Variants in MMAA observed in about 807,000 individuals in gnomAD.
MMAA encodes metabolism of cobalamin associated A.
MMAA carries 41 observed loss-of-function variants against 45.0 expected under a neutral mutation model. The ratio of observed to expected loss-of-function variants is 0.91; its 90% confidence interval spans 0.71 to 1.18. The LOEUF (loss-of-function observed/expected upper bound fraction) is 1.18. Ranked by LOEUF, MMAA falls within the 50% of genes most tolerant of loss-of-function variation. The pLI, the probability that MMAA is intolerant of heterozygous loss-of-function variation, is 0.00. For synonymous variants in MMAA, 154 were observed against 178.2 expected (o/e 0.86, Z 1.08); for missense variants, 460 against 495.7 (o/e 0.93, Z 0.68).
chr4:145,655,102 T>TC (rs1560802836), intron 6 of MMAA, 45 bp from the exon 7 acceptor site: 2 of 1,610,740 alleles, frequency 1.2e-6, no homozygotes, highest in Non-Finnish European at 1.7e-6. Context: ...AAAAATTTTT[T>TC]CTATCATTTT....
rs1728268257 is a variant in MMAA, at chr4:145,657,506, T to C, written c.*2072T>C. ...TGGGGGCAGATCTCAGCTCTATCAC[T>C]AACTAGCTATATGATATTTGGCAAG... On this transcript the variant is annotated 3_prime_UTR_variant, in exon 7 of 7. Coordinates refer to ENST00000649156, the MANE Select transcript of MMAA (RefSeq NM_172250.3). The C allele has an allele frequency of 6.6e-6, 1 of 152,210 alleles. No homozygotes were observed. The highest frequency in any genetic ancestry group is 2.1e-4 in the South Asian group (1 of 4,828). The allele number at this position is 152,210 out of a possible 1,614,324, so 9.4% of individuals were successfully genotyped here.
chr4:145,640,855 A>C (rs897225449), intron 2 of MMAA, among the ~76,000 whole-genome samples: 1 of 152,132 alleles, frequency 6.6e-6, no homozygotes, highest in African/African-American at 2.4e-5. Flanking sequence ...GTGGTGAACT[A>C]GGTGATTTGA....
rs1469959323 is a variant in MMAA at position 145,656,807 on chromosome 4, GTTAC to G, written c.*1379_*1382del. 3 of 152,134 alleles carry G rather than the reference GTTAC, an allele frequency of 2.0e-5. No homozygotes were observed. The highest frequency in any genetic ancestry group is 7.2e-5 in the African/African-American group (3 of 41,450). 9.4% of individuals were successfully genotyped at this position (152,134 alleles called of 1,614,324 possible). On this transcript the variant is annotated 3_prime_UTR_variant, in exon 7 of 7. Transcript: ENST00000649156. The stretch of plus-strand genomic sequence containing the variant: ...TTTATGTAGTATAGCAGCTTGCATT[GTTAC>G]TTACTGTACTGGAATCAAACCTCTT...
rs539451390 is a variant in MMAA, at chr4:145,641,198, C to T, written c.440-1165C>T. ...GTAAACAAAGATAATAGCAAACTCC[C>T]GCAGAGAAATTCTAGGTATGACAAA... On this transcript the variant is annotated intron_variant, in intron 2 of 6. Transcript: ENST00000649156. Among the ~76,000 whole-genome samples, 10 of 152,092 alleles carry T rather than the reference C, an allele frequency of 6.6e-5. 1 individual carries two copies. The South Asian group carries it at 1.0e-3, about 16-fold the overall frequency.
rs1728248956 is a variant in MMAA at position 145,656,913 on chromosome 4, C to T, written c.*1479C>T. 1.3e-5 allele frequency: 2 copies of T among 152,248 alleles called. No individual in the cohort carries two copies. Among genetic ancestry groups the T allele is most frequent in the Admixed American group, 1.3e-4 (2 of 15,294 alleles). 9.4% of individuals were successfully genotyped at this position (152,248 alleles called of 1,614,324 possible). A position where few individuals can be genotyped will look rare whatever the true frequency, so the allele number is the denominator to read the frequency against. ...ACTCCATTGGCATAGCTATTTCATA[C>T]AAGGATTAGGAGAAACTTTGAAAGG... On this transcript the variant is annotated 3_prime_UTR_variant, in exon 7 of 7. Transcript: ENST00000649156.
At chr4:145,620,736 CAG>C (rs956851763) in intron 1 of MMAA, among the ~76,000 whole-genome samples, 81 of 152,070 alleles carry the variant, frequency 5.3e-4, no homozygotes, top group African/African-American at 1.9e-3. Flanking sequence ...AATTAGAGGT[CAG>C]AAAAAGTCCT....
intron 1 of MMAA, among the ~76,000 whole-genome samples, chr4:145,627,163 A>C (rs531626104): frequency 7.3e-4 from 111 of 152,364 alleles, no homozygotes; most frequent in African/African-American, 2.6e-3. Context: ...ACTATTTTAA[A>C]TGTTAAAGCA....
At chr4:145,655,025 C>A (rs1165650585) in intron 6 of MMAA, 122 bp from the exon 7 acceptor site, 4 of 1,018,368 alleles carry the variant, frequency 3.9e-6, no homozygotes, top group Non-Finnish European at 5.9e-6. Context: ...GCAATAAAAT[C>A]TCACTCTTGT....
At position 145,646,041 on chromosome 4, in the gene MMAA, A is replaced by G. The variant is rs1727920444; in HGVS notation, c.618A>G (p.Ala206=). ...CTGAGTTATCAAGAGATATGAATGC[A>G]TACATCAGGCCATCTCCTACTAGAG... ...RMTELSRDMN[A]YIRPSPTRGT... is the part of the protein sequence containing the mutation. Residue 206 remains alanine, a synonymous_variant, in exon 4 of 7, where the codon GCA becomes GCG. Coordinates refer to ENST00000649156, the MANE Select transcript of MMAA (RefSeq NM_172250.3). The G allele has an allele frequency of 1.9e-6, 3 of 1,614,140 alleles. No homozygotes were observed. The highest frequency in any genetic ancestry group is 2.2e-5 in the East Asian group (1 of 44,874).
chr4:145,651,424 C>A (rs1442935583), intron 5 of MMAA, among the ~76,000 whole-genome samples: 1 of 152,170 alleles, frequency 6.6e-6, no homozygotes, highest in Non-Finnish European at 1.5e-5. Flanking sequence ...CCAGTAGAGA[C>A]CATTGTTGCA....
chr4:145,636,023 G>A (rs1727597381), intron 1 of MMAA, among the ~76,000 whole-genome samples: 1 of 152,092 alleles, frequency 6.6e-6, no homozygotes, highest in South Asian at 2.1e-4. Context: ...TCCCCCTTCT[G>A]TTAAATGAAA....
intron 3 of MMAA, among the ~76,000 whole-genome samples, chr4:145,645,069 ATT>A (rs1280068308): frequency 6.6e-6 from 1 of 152,202 alleles, no homozygotes; most frequent in African/African-American, 2.4e-5. Flanking sequence ...AGAGCTCCAA[ATT>A]TTCTAAGTAG....
intron 1 of MMAA, chr4:145,624,872 G>A: frequency 6.2e-7 from 1 of 1,608,690 alleles, no homozygotes. Flanking sequence ...CTGTAACCAT[G>A]CTGGGGGTGT....
intron 2 of MMAA, among the ~76,000 whole-genome samples, chr4:145,641,082 C>G (rs955810948): frequency 6.6e-6 from 1 of 152,120 alleles, no homozygotes; most frequent in Non-Finnish European, 1.5e-5. Flanking sequence ...TTATACCAGT[C>G]CCCATTTTTC....
intron 1 of MMAA, among the ~76,000 whole-genome samples, chr4:145,636,826 G>C (rs1013633066): frequency 2.0e-5 from 3 of 152,196 alleles, no homozygotes; most frequent in African/African-American, 7.2e-5. Flanking sequence ...CTAGGATTAG[G>C]TTATTTAAGA....
intron 5 of MMAA, 127 bp downstream of exon 5, chr4:145,651,274 C>G (rs1467754358): frequency 6.2e-6 from 5 of 800,376 alleles, no homozygotes; most frequent in Non-Finnish European, 1.0e-5. Context: ...TTCATGTTGG[C>G]TAAAATACCT....
intron 1 of MMAA, 75 bp from the exon 2 acceptor site, chr4:145,639,000 C>T (rs1336743612): frequency 1.3e-6 from 1 of 768,568 alleles, no homozygotes; most frequent in South Asian, 1.7e-5. Context: ...GGGGGAAACA[C>T]TAGGCTTTCA....
At position 145,635,167 on chromosome 4, in the gene MMAA, G is replaced by A. The variant is rs552090895; in HGVS notation, c.-65-3908G>A. ...TAGGAGTTGCAGTCCTTGTGGCCTAGACTGCCATTAAAGTTTAATTGAGAC... is the reference window on the plus strand; with the variant it reads ...TAGGAGTTGCAGTCCTTGTGGCCTAAACTGCCATTAAAGTTTAATTGAGAC... On this transcript the variant is annotated intron_variant, in intron 1 of 6. Transcript: ENST00000649156. Among the ~76,000 whole-genome samples, 21 of 152,180 alleles carry A rather than the reference G, an allele frequency of 1.4e-4. No individual in the cohort carries two copies. The South Asian group carries it at 4.1e-3, about 30-fold the overall frequency.
rs189996764 is a variant in MMAA at position 145,637,449 on chromosome 4, C to A, written c.-65-1626C>A. Among the ~76,000 whole-genome samples the A allele has an allele frequency of 8.5e-5, 13 of 152,088 alleles. No homozygotes were observed. In the South Asian group the frequency reaches 2.3e-3, roughly 27 times the overall value. On this transcript the variant is annotated intron_variant, in intron 1 of 6. Coordinates refer to ENST00000649156, the MANE Select transcript of MMAA (RefSeq NM_172250.3). Reference sequence around the variant, plus strand: ...CAAATAGACATTATAATGCACCCCCCACCCCACCGCCCCATAGAGAAAAAG... The same window carrying A: ...CAAATAGACATTATAATGCACCCCCAACCCCACCGCCCCATAGAGAAAAAG...
Sources: allele counts gnomAD v4.1 joint callset (sites outside exome capture counted in the v4.1 genomes callset), GRCh38; gene constraint gnomAD v4.1.1; transcripts MANE v1.5; gene names NCBI Gene and HGNC (gene_info 2026-07-23, HGNC 2026-07-21).